Variants in ATRN observed in about 807,000 individuals in gnomAD.
The protein encoded by ATRN is attractin-2.
ATRN carries 54 observed loss-of-function variants against 178.7 expected under a neutral mutation model. The observed-to-expected ratio is 0.30, with a 90% CI of 0.24 to 0.38. ATRN has a LOEUF of 0.38. Among genes scored for constraint, ATRN ranks in the 10% least tolerant of loss-of-function variants. The pLI, the probability that ATRN is intolerant of heterozygous loss-of-function variation, is 1.00. For missense variants in ATRN, 1,443 were observed against 1,815.1 expected, an observed-to-expected ratio of 0.79 and a Z score of 3.73; for synonymous variants, 636 against 663.0, an observed-to-expected ratio of 0.96 and a Z score of 0.63.
At chr20:3,479,741 T>C (rs1348680108) in intron 1 of ATRN, among the ~76,000 whole-genome samples, 1 of 152,228 alleles carries the variant, frequency 6.6e-6, no homozygotes, top group Non-Finnish European at 1.5e-5. Flanking sequence ...AGGGAGGATC[T>C]GTTCCATGCC....
At chr20:3,512,505 CATT>C (rs1330035716) in intron 1 of ATRN, among the ~76,000 whole-genome samples, 3 of 152,086 alleles carry the variant, frequency 2.0e-5, no homozygotes, top group Non-Finnish European at 2.9e-5. Context: ...TCCAGTCTAT[CATT>C]GTTGGACATT....
In ATRN at chr20:3,512,793, C is replaced by T. The variant is rs192973680; in HGVS notation, c.411-22460C>T. Among the ~76,000 whole-genome samples the T allele has an allele frequency of 9.9e-3, 1,507 of 152,232 alleles. 21 individuals are homozygous for T. The highest frequency in any genetic ancestry group is 0.032 in the African/African-American group (1,342 of 41,534). ...CGTTGTTTCCTGACTTTTTAATGAT[C>T]GCCATTCTAACTGGTGTGAGATGAT... On this transcript the variant is annotated intron_variant, in intron 1 of 28. Transcript: ENST00000262919.
At chr20:3,574,291 C>T (rs1056005392) in intron 12 of ATRN, among the ~76,000 whole-genome samples, 1 of 152,134 alleles carries the variant, frequency 6.6e-6, no homozygotes. Context: ...GTATGGGGAT[C>T]ACTTGAGCCC....
chr20:3,601,157 A>T, intron 23 of ATRN, 133 bp downstream of exon 23: 1 of 678,274 alleles, frequency 1.5e-6, no homozygotes, highest in Non-Finnish European at 2.6e-6. Flanking sequence ...TAGCTATGAG[A>T]CCTTGAGCAA....
At chr20:3,528,124 A>G (rs2085397743) in intron 1 of ATRN, among the ~76,000 whole-genome samples, 1 of 151,972 alleles carries the variant, frequency 6.6e-6, no homozygotes, top group South Asian at 2.1e-4. Flanking sequence ...TAATCCCAGC[A>G]TTTTGGGATG....
intron 25 of ATRN, among the ~76,000 whole-genome samples, chr20:3,625,634 C>T (rs145079116): frequency 3.3e-5 from 5 of 152,204 alleles, no homozygotes; most frequent in African/African-American, 1.2e-4. Context: ...ACAATGGTCA[C>T]ACACAGGAAG....
chr20:3,593,841 G>A lies in ATRN; in HGVS notation c.3323-638G>A, dbSNP rs747122869. ...TCAACTGGAGTATAATATTTATCACGGCTTGTATTACGTTGGATGATAAAA... is the reference window on the plus strand; with the variant it reads ...TCAACTGGAGTATAATATTTATCACAGCTTGTATTACGTTGGATGATAAAA... On this transcript the variant is annotated intron_variant, in intron 19 of 28. Transcript: ENST00000262919. Among the ~76,000 whole-genome samples, 8 of 152,256 alleles carry A rather than the reference G, an allele frequency of 5.3e-5. No homozygotes were observed. The South Asian group carries it at 6.2e-4, about 12-fold the overall frequency.
chr20:3,557,887 A>C (rs984271429), intron 6 of ATRN, among the ~76,000 whole-genome samples: 1 of 152,254 alleles, frequency 6.6e-6, no homozygotes, highest in Admixed American at 6.5e-5. Flanking sequence ...ATATTCCAAA[A>C]ATATGTAAAA....
At position 3,471,398 on chromosome 20, in the gene ATRN, G is replaced by A; in HGVS notation, c.291G>A (p.Glu97=). ...AAAVSGSAAA[E]AKECDRPCVN... is the part of the protein sequence containing the mutation. Reference sequence around the variant, plus strand: ...CGGTGTCGGGCTCAGCCGCAGCCGAGGCCAAGGAATGTGACCGGCCCTGTG... The same window carrying A: ...CGGTGTCGGGCTCAGCCGCAGCCGAAGCCAAGGAATGTGACCGGCCCTGTG... Residue 97 remains glutamate (E), a synonymous_variant, in exon 1 of 29, where the codon GAG becomes GAA. Coordinates refer to ENST00000262919, the MANE Select transcript of ATRN (RefSeq NM_139321.3). 4 of 1,489,504 alleles carry A rather than the reference G, an allele frequency of 2.7e-6. No homozygotes were observed. Among genetic ancestry groups the A allele is most frequent in the Non-Finnish European group, 3.5e-6 (4 of 1,127,970 alleles). 92.3% of individuals were successfully genotyped at this position (1,489,504 alleles called of 1,614,324 possible). A position where few individuals can be genotyped will look rare whatever the true frequency, so the allele number is the denominator to read the frequency against.
rs763251726 is a variant in ATRN at position 3,549,231 on chromosome 20, T to C, written c.1005T>C (p.Ser335=). ...CATTTTGGACTCGAGAGGAATATTCTAACTTAAAGCTCCCCAGAGCATCTC... is the reference window on the plus strand; with the variant it reads ...CATTTTGGACTCGAGAGGAATATTCCAACTTAAAGCTCCCCAGAGCATCTC... ...NQSFWTREEY[S]NLKLPRASHK... is the part of the protein sequence containing the mutation. Residue 335 remains serine, a synonymous_variant, in exon 6 of 29, where the codon TCT becomes TCC. Coordinates refer to ENST00000262919, the MANE Select transcript of ATRN (RefSeq NM_139321.3). 1.9e-6 allele frequency: 3 copies of C among 1,611,148 alleles called. No individual in the cohort carries two copies. The East Asian group carries it at 6.7e-5, about 36-fold the overall frequency.
Position 3,649,010 on chromosome 20 carries a change from T to C in ATRN, c.*2163T>C, listed in dbSNP as rs1270235685. On this transcript the variant is annotated 3_prime_UTR_variant, in exon 29 of 29. Coordinates refer to ENST00000262919, the MANE Select transcript of ATRN (RefSeq NM_139321.3). ...CCCACAGCCATCTGGTTATGTCTTA[T>C]TTTTTTCCTAAAAGATAATGTTTAT... 6.6e-6 allele frequency: 1 copy of C among 152,210 alleles called. No individual in the cohort carries two copies. Among genetic ancestry groups the C allele is most frequent in the Non-Finnish European group, 1.5e-5 (1 of 68,024 alleles). The allele number at this position is 152,210 out of a possible 1,614,324, so 9.4% of individuals were successfully genotyped here. A position where few individuals can be genotyped will look rare whatever the true frequency, so the allele number is the denominator to read the frequency against.
intron 11 of ATRN, 89 bp from the exon 12 acceptor site, chr20:3,572,642 C>A (rs543941057): frequency 6.3e-6 from 7 of 1,107,072 alleles, no homozygotes; most frequent in South Asian, 3.1e-5. Context: ...CAGAGTAAGA[C>A]CCTGTCTCTT....
At chr20:3,578,834 T>A in intron 15 of ATRN, 62 bp downstream of exon 15, 1 of 1,474,980 alleles carries the variant, frequency 6.8e-7, no homozygotes, top group South Asian at 1.3e-5. Flanking sequence ...AGGGCATGAC[T>A]GCAGCTTGCA....
chr20:3,482,403 A>G (rs2084634822), intron 1 of ATRN, among the ~76,000 whole-genome samples: 1 of 152,178 alleles, frequency 6.6e-6, no homozygotes, highest in Non-Finnish European at 1.5e-5. Flanking sequence ...TGCTTTCACA[A>G]TTATTTTTTA....
At chr20:3,630,795 T>A (rs959813468) in intron 25 of ATRN, among the ~76,000 whole-genome samples, 2 of 152,166 alleles carry the variant, frequency 1.3e-5, no homozygotes, top group African/African-American at 4.8e-5. Context: ...TTGGTTTTTC[T>A]AGACGATGTT....
chr20:3,586,524 G>A (rs1366604887), intron 18 of ATRN, among the ~76,000 whole-genome samples: 2 of 151,776 alleles, frequency 1.3e-5, no homozygotes, highest in Non-Finnish European at 2.9e-5. Context: ...AGGTACAAAA[G>A]ATTATGCATT....
At chr20:3,554,493 G>A (rs1055640707) in intron 6 of ATRN, among the ~76,000 whole-genome samples, 2 of 151,668 alleles carry the variant, frequency 1.3e-5, no homozygotes, top group Non-Finnish European at 2.9e-5. Flanking sequence ...CTGCCACCAC[G>A]CCCAGTTAAT....
chr20:3,488,394 T>C (rs1308652235), intron 1 of ATRN, among the ~76,000 whole-genome samples: 1 of 152,024 alleles, frequency 6.6e-6, no homozygotes, highest in East Asian at 1.9e-4. Context: ...TAGAGACACA[T>C]TTATTTGCTT....
intron 8 of ATRN, 22 bp from the exon 9 acceptor site, chr20:3,562,253 CT>C (rs780078684): frequency 1.9e-6 from 3 of 1,598,508 alleles, no homozygotes; most frequent in Non-Finnish European, 2.6e-6. Context: ...CCATGCTTGC[CT>C]TTAACTGTCT....
Sources: allele counts gnomAD v4.1 joint callset (sites outside exome capture counted in the v4.1 genomes callset), GRCh38; gene constraint gnomAD v4.1.1; transcripts MANE v1.5; gene names NCBI Gene and HGNC (gene_info 2026-07-23, HGNC 2026-07-21).